Variants in CSTPP1 observed in about 807,000 individuals in gnomAD.
CSTPP1 encodes centriolar satellite-associated tubulin polyglutamylase complex regulator 1.
chr11:47,123,837 C>T, the CSTPP1 span, among the ~76,000 whole-genome samples: 2 of 152,010 alleles, frequency 1.3e-5, no homozygotes, highest in Non-Finnish European at 2.9e-5. Context: ...CCCACCTCTA[C>T]TAAAAATACA....
At chr11:46,943,821 G>C in the CSTPP1 span, among the ~76,000 whole-genome samples, 1 of 151,936 alleles carries the variant, frequency 6.6e-6, no homozygotes, top group African/African-American at 2.4e-5. Context: ...CCAGGAGTTT[G>C]AGACCAATGG....
chr11:46,955,966 G>T, the CSTPP1 span, among the ~76,000 whole-genome samples: 1 of 145,700 alleles, frequency 6.9e-6, no homozygotes, highest in African/African-American at 2.6e-5. Flanking sequence ...CAGCCTGGGC[G>T]ACAGAGCGAG....
the CSTPP1 span, chr11:47,041,311 G>T: frequency 3.9e-6 from 1 of 258,366 alleles, no homozygotes. Flanking sequence ...TACAGGGATA[G>T]AACTCAGGGA....
chr11:47,066,537 C>A, the CSTPP1 span, among the ~76,000 whole-genome samples: 1 of 152,002 alleles, frequency 6.6e-6, no homozygotes, highest in Non-Finnish European at 1.5e-5. Flanking sequence ...ACCTGCAACC[C>A]TAAGCTAGAA....
the CSTPP1 span, among the ~76,000 whole-genome samples, chr11:47,000,553 A>G: frequency 2.0e-4 from 30 of 152,066 alleles, 1 homozygote; most frequent in Non-Finnish European, 1.5e-5. Flanking sequence ...TTTTATGATG[A>G]CTGTTTTGGT....
the CSTPP1 span, among the ~76,000 whole-genome samples, chr11:47,116,973 A>C: frequency 2.0e-5 from 3 of 151,852 alleles, no homozygotes; most frequent in Non-Finnish European, 4.4e-5. Context: ...GAGCCACCGC[A>C]CCTGGCCTGT....
the CSTPP1 span, among the ~76,000 whole-genome samples, chr11:47,014,522 G>A: frequency 7.2e-5 from 11 of 152,082 alleles, no homozygotes; most frequent in South Asian, 6.2e-4. Flanking sequence ...TGACCAACGC[G>A]GAAAAACCCC....
the CSTPP1 span, among the ~76,000 whole-genome samples, chr11:47,085,643 A>C: frequency 2.5e-4 from 38 of 152,056 alleles, 1 homozygote; most frequent in Admixed American, 2.5e-3. Context: ...AAATCTCAGC[A>C]CTTTGGGAGG....
chr11:46,994,487 G>T, the CSTPP1 span, among the ~76,000 whole-genome samples: 3 of 152,212 alleles, frequency 2.0e-5, no homozygotes, highest in East Asian at 1.9e-4. Context: ...TAGCAGGAAG[G>T]GCTGTTGAAT....
chr11:46,999,952 C>T, the CSTPP1 span, among the ~76,000 whole-genome samples: 2 of 152,166 alleles, frequency 1.3e-5, no homozygotes, highest in Non-Finnish European at 2.9e-5. Context: ...CTGTAAAACA[C>T]AAGTGGCTGA....
the CSTPP1 span, among the ~76,000 whole-genome samples, chr11:47,029,293 A>G: frequency 1.3e-5 from 2 of 152,224 alleles, no homozygotes; most frequent in East Asian, 3.9e-4. Flanking sequence ...TGTTTATAGA[A>G]GCAACACAAG....
the CSTPP1 span, among the ~76,000 whole-genome samples, chr11:47,163,057 C>A: frequency 1.3e-5 from 2 of 152,024 alleles, 1 homozygote; most frequent in Admixed American, 1.3e-4. Context: ...CACCTGTAGT[C>A]CCAGCTACTT....
chr11:47,055,532 T>C, the CSTPP1 span, among the ~76,000 whole-genome samples: 1 of 152,186 alleles, frequency 6.6e-6, no homozygotes, highest in Non-Finnish European at 1.5e-5. Flanking sequence ...AACTTTTATA[T>C]GTAGTTACTA....
the CSTPP1 span, among the ~76,000 whole-genome samples, chr11:47,148,085 G>A: frequency 2.0e-5 from 3 of 152,176 alleles, no homozygotes; most frequent in African/African-American, 4.8e-5. Context: ...TGTGCAGCAC[G>A]AGTGTGCCTC....
the CSTPP1 span, among the ~76,000 whole-genome samples, chr11:47,046,923 T>C: frequency 7.2e-6 from 1 of 139,746 alleles, no homozygotes. Flanking sequence ...TTTTTTGAGA[T>C]GGAGTCTCAC....
the CSTPP1 span, among the ~76,000 whole-genome samples, chr11:47,079,086 A>G: frequency 1.3e-5 from 2 of 152,236 alleles, no homozygotes; most frequent in South Asian, 2.1e-4. Context: ...TCAGTGCTCA[A>G]GAATACCAGA....
At chr11:47,161,329 C>T in the CSTPP1 span, 1 of 1,587,240 alleles carries the variant, frequency 6.3e-7, no homozygotes, top group East Asian at 2.2e-5. Context: ...CAGTGGAGGC[C>T]TGAGGTGTCC....
the CSTPP1 span, among the ~76,000 whole-genome samples, chr11:47,055,886 T>C: frequency 6.6e-6 from 1 of 152,218 alleles, no homozygotes; most frequent in African/African-American, 2.4e-5. Flanking sequence ...CAATGTGGAC[T>C]CAATTTTAAG....
the CSTPP1 span, among the ~76,000 whole-genome samples, chr11:47,009,064 G>A: frequency 2.6e-5 from 4 of 151,672 alleles, no homozygotes; most frequent in African/African-American, 9.7e-5. Context: ...ATCCAAGTGT[G>A]TGGATCTCTT....
Sources: gnomAD v4.1 joint callset for allele counts (sites outside exome capture counted in the v4.1 genomes callset) on GRCh38, gnomAD v4.1.1 for gene constraint, MANE v1.5 for transcripts, NCBI Gene and HGNC (gene_info 2026-07-23, HGNC 2026-07-21) for gene names.